The following ATP8B4 variants were observed in gnomAD, a reference collection of about 807,000 sequenced individuals.
ATP8B4 encodes ATPase phospholipid transporting 8B4 (putative), also known as probable phospholipid-transporting ATPase IM.
ATP8B4 carries 133 observed loss-of-function variants against 145.6 expected under a neutral mutation model. The observed-to-expected ratio is 0.91, with a 90% CI of 0.79 to 1.05. The LOEUF (loss-of-function observed/expected upper bound fraction) is 1.05, where lower values mean the gene tolerates loss of function less well. Among genes scored for constraint, ATP8B4 ranks in the 50% least tolerant of loss-of-function variants. The probability of loss-of-function intolerance (pLI) is 0.00; values close to 1 mark genes in which losing one functional copy is unlikely to be tolerated. For missense variants in ATP8B4, 1,458 were observed against 1,425.2 expected (o/e 1.02, Z -0.37); for synonymous variants, 507 against 492.9 (o/e 1.03, Z -0.38).
chr15:49,928,305 G>GAAAAATGGGTAACATCA (rs2040915550), intron 16 of ATP8B4, among the ~76,000 whole-genome samples: 1 of 152,072 alleles, frequency 6.6e-6, no homozygotes, highest in Non-Finnish European at 1.5e-5. Context: ...CATTTGAATT[G>GAAAAATGGGTAACATCA]GACATTACCA....
intron 1 of ATP8B4, among the ~76,000 whole-genome samples, chr15:50,128,421 G>A (rs573722875): frequency 1.3e-5 from 2 of 152,360 alleles, no homozygotes; most frequent in East Asian, 1.9e-4. Flanking sequence ...AGATGCTTGA[G>A]GCTATGTTCC....
intron 12 of ATP8B4, among the ~76,000 whole-genome samples, chr15:49,976,147 A>C (rs960259058): frequency 6.6e-6 from 1 of 152,046 alleles, no homozygotes; most frequent in Non-Finnish European, 1.5e-5. Context: ...CTGAAATTAC[A>C]CTGTGACTAT....
In ATP8B4 at chr15:49,860,468, C is replaced by A. The variant is rs746086865; in HGVS notation, c.3305G>T (p.Arg1102Leu). Residue 1102 changes from arginine to leucine, a missense_variant, in exon 28 of 28, where the codon CGG becomes CTG. Transcript: ENST00000284509. ...TGCCTTCTTTTGAGCCTTCTGCCAC[C>A]GGCGGATCTGGAGAGAAACAGACCC... ...LYPTLSDQIR[R>L]WQKAQKKARP... 2 of 1,609,130 alleles carry A rather than the reference C, an allele frequency of 1.2e-6. No individual in the cohort carries two copies. Among genetic ancestry groups the A allele is most frequent in the South Asian group, 1.1e-5 (1 of 90,390 alleles).
intron 23 of ATP8B4, among the ~76,000 whole-genome samples, chr15:49,882,947 A>T (rs889780741): frequency 6.6e-6 from 1 of 152,214 alleles, no homozygotes; most frequent in Admixed American, 6.5e-5. Context: ...TTTAAAAATT[A>T]AACACGTGAC....
At chr15:50,149,234 T>C (rs774023416) in intron 1 of ATP8B4, among the ~76,000 whole-genome samples, 14 of 152,228 alleles carry the variant, frequency 9.2e-5, no homozygotes, top group Non-Finnish European at 1.3e-4. Flanking sequence ...GTGCCCAGTA[T>C]GTCCCTGTAT....
intron 1 of ATP8B4, among the ~76,000 whole-genome samples, chr15:50,149,549 GAAATAACCACAATAATAATAATGATA>G (rs1226363692): frequency 6.6e-5 from 10 of 152,096 alleles, no homozygotes; most frequent in Non-Finnish European, 1.5e-4. Flanking sequence ...GCTCTTTAGA[GAAATAACCACAATAATAATAATGATA>G]ATGATGATAA....
intron 14 of ATP8B4, among the ~76,000 whole-genome samples, chr15:49,950,295 T>G (rs2042950132): frequency 6.6e-6 from 1 of 152,098 alleles, no homozygotes; most frequent in Non-Finnish European, 1.5e-5. Flanking sequence ...GTCCTGGGCT[T>G]TTTTTGGTTG....
intron 6 of ATP8B4, among the ~76,000 whole-genome samples, chr15:50,012,276 G>A (rs2048771378): frequency 6.6e-6 from 1 of 152,112 alleles, no homozygotes; most frequent in Non-Finnish European, 1.5e-5. Flanking sequence ...CAGCATCTTA[G>A]AAAAAATGGG....
chr15:49,998,433 T>C (rs1278956099), intron 8 of ATP8B4, among the ~76,000 whole-genome samples: 3 of 152,232 alleles, frequency 2.0e-5, no homozygotes, highest in Non-Finnish European at 2.9e-5. Context: ...ATTGCCATTC[T>C]AACTGGCGTG....
intron 1 of ATP8B4, among the ~76,000 whole-genome samples, chr15:50,142,320 A>T (rs1038486793): frequency 2.0e-5 from 3 of 152,164 alleles, no homozygotes; most frequent in Non-Finnish European, 4.4e-5. Flanking sequence ...ATACATACAG[A>T]AAAACACACA....
chr15:50,001,257 ATTAT>A lies in ATP8B4; in HGVS notation c.506+892_506+895del, dbSNP rs775677314. ...CTAGGGTTTTTAGATGAATGATGAGATTATTTATTTGAGAATTTTTCTCTTTTCA... is the reference window on the plus strand; with the variant it reads ...CTAGGGTTTTTAGATGAATGATGAGATTATTTGAGAATTTTTCTCTTTTCA... On this transcript the variant is annotated intron_variant, in intron 8 of 27. Transcript: ENST00000284509. Among the ~76,000 whole-genome samples, 4 of 151,930 alleles carry A rather than the reference ATTAT, an allele frequency of 2.6e-5. No homozygotes were observed. In the South Asian group the frequency reaches 6.2e-4, roughly 24 times the overall value.
At chr15:49,958,669 ATAAAT>A (rs1294528243) in intron 14 of ATP8B4, among the ~76,000 whole-genome samples, 1 of 151,938 alleles carries the variant, frequency 6.6e-6, no homozygotes, top group African/African-American at 2.4e-5. Flanking sequence ...AAATGTGAAA[ATAAAT>A]GTGAATTTAA....
intron 2 of ATP8B4, among the ~76,000 whole-genome samples, chr15:50,089,293 T>C (rs2055432156): frequency 6.6e-6 from 1 of 152,082 alleles, no homozygotes; most frequent in African/African-American, 2.4e-5. Context: ...CTAATTAAAC[T>C]AAAGAGCTTC....
intron 3 of ATP8B4, among the ~76,000 whole-genome samples, chr15:50,061,128 T>C (rs1265016902): frequency 6.6e-6 from 1 of 152,132 alleles, no homozygotes; most frequent in Non-Finnish European, 1.5e-5. Flanking sequence ...TGTGCCCTTT[T>C]GACTCAGCTG....
In ATP8B4 at chr15:49,979,667, C is replaced by G; in HGVS notation, c.984G>C (p.Trp328Cys). 1 of 1,603,284 alleles carries G rather than the reference C, an allele frequency of 6.2e-7. No homozygotes were observed. Among genetic ancestry groups the G allele is most frequent in the South Asian group, 1.1e-5 (1 of 89,894 alleles). The change falls in exon 12 of 28, where the codon TGG becomes TGC. Residue 328 changes from tryptophan to cysteine, a missense_variant. By Grantham distance (215) the Trp-to-Cys change is radical. Coordinates refer to ENST00000284509, the MANE Select transcript of ATP8B4 (RefSeq NM_024837.4). ...CTGTATTGAGAATAATAATATATGA[C>G]CAGAATGTTAAGAATCCGGAGAACA... ...SSVFSGFLTF[W>C]SYIIILNTVV...
chr15:50,048,679 G>T (rs1395183724), intron 3 of ATP8B4, among the ~76,000 whole-genome samples: 6 of 150,594 alleles, frequency 4.0e-5, no homozygotes, highest in Admixed American at 4.0e-4. Context: ...CTGCACTCCA[G>T]CCTGGGTGAT....
chr15:49,956,576 C>T (rs1056076090), intron 14 of ATP8B4, among the ~76,000 whole-genome samples: 22 of 152,276 alleles, frequency 1.4e-4, no homozygotes, highest in African/African-American at 3.1e-4. Flanking sequence ...CAGAGTATCA[C>T]TCTCACCCGG....
intron 7 of ATP8B4, among the ~76,000 whole-genome samples, chr15:50,003,054 G>A (rs1412142143): frequency 6.6e-6 from 1 of 152,046 alleles, no homozygotes; most frequent in Non-Finnish European, 1.5e-5. Context: ...AAAAAGAATT[G>A]GCTTAAATTT....
intron 7 of ATP8B4, among the ~76,000 whole-genome samples, chr15:50,006,906 G>A (rs981947631): frequency 2.0e-5 from 3 of 152,128 alleles, no homozygotes; most frequent in African/African-American, 7.2e-5. Flanking sequence ...CCGAGTTCCG[G>A]TGGTATCAGG....
Sources: allele counts gnomAD v4.1 joint callset (sites outside exome capture counted in the v4.1 genomes callset), GRCh38; gene constraint gnomAD v4.1.1; transcripts MANE v1.5; gene names NCBI Gene and HGNC (gene_info 2026-07-23, HGNC 2026-07-21).